The following DPP10 variants were observed in gnomAD, a reference collection of about 807,000 sequenced individuals.
DPP10 encodes the protein inactive dipeptidyl peptidase 10.
DPP10 carries 33 observed loss-of-function variants against 120.9 expected under a neutral mutation model. That is an observed-to-expected ratio of 0.27 (90% CI 0.21 to 0.37). The LOEUF (loss-of-function observed/expected upper bound fraction) is 0.37. DPP10 is among the 10% of genes least tolerant of loss of function. DPP10 has a pLI of 1.00. For synonymous variants in DPP10, 337 were observed against 326.1 expected (o/e 1.03, Z -0.36); for missense variants, 816 against 942.8 (o/e 0.87, Z 1.76).
chr2:115,711,282 T>C (rs2092305759), intron 7 of DPP10, among the ~76,000 whole-genome samples: 1 of 152,116 alleles, frequency 6.6e-6, no homozygotes, highest in African/African-American at 2.4e-5. Context: ...AAAAAGTTAC[T>C]TGCAAAGACT....
intron 1 of DPP10, among the ~76,000 whole-genome samples, chr2:114,970,583 C>G (rs1011043846): frequency 3.9e-5 from 6 of 152,164 alleles, no homozygotes; most frequent in African/African-American, 1.4e-4. Context: ...TCAAGTTTAT[C>G]TGAACTTTAC....
intron 1 of DPP10, among the ~76,000 whole-genome samples, chr2:115,103,146 T>C (rs1021983622): frequency 1.3e-5 from 2 of 151,976 alleles, no homozygotes; most frequent in African/African-American, 4.8e-5. Context: ...GGGTTTTCAG[T>C]TGGGTTATTC....
At chr2:115,372,399 T>C (rs1239807934) in intron 3 of DPP10, among the ~76,000 whole-genome samples, 1 of 79,992 alleles carries the variant, frequency 1.3e-5, no homozygotes, top group Non-Finnish European at 3.0e-5. Context: ...CATTACCCTT[T>C]AGAGGTAAAA....
chr2:115,824,705 G>A (rs1246391282), intron 21 of DPP10, among the ~76,000 whole-genome samples: 1 of 151,488 alleles, frequency 6.6e-6, no homozygotes, highest in Admixed American at 6.6e-5. Flanking sequence ...CTACATTTTC[G>A]TTATCCAGTC....
chr2:115,312,760 C>T (rs752859904), intron 2 of DPP10, among the ~76,000 whole-genome samples: 2 of 152,116 alleles, frequency 1.3e-5, no homozygotes, highest in East Asian at 1.9e-4. Context: ...CCTCTGTCCA[C>T]CAATATGTTC....
chr2:115,113,867 A>T (rs2049360793), intron 1 of DPP10, among the ~76,000 whole-genome samples: 1 of 152,132 alleles, frequency 6.6e-6, no homozygotes, highest in Non-Finnish European at 1.5e-5. Flanking sequence ...GTATTGCCCT[A>T]TTGAAAACTG....
chr2:115,105,001 G>A (rs1028824283), intron 1 of DPP10, among the ~76,000 whole-genome samples: 7 of 140,314 alleles, frequency 5.0e-5, no homozygotes, highest in Non-Finnish European at 8.0e-5. Context: ...ACAAGACTCC[G>A]TCTCAAAAAA....
At position 115,836,702 on chromosome 2, in the gene DPP10, G is replaced by A; in HGVS notation, c.2138G>A (p.Gly713Asp). 6.2e-7 allele frequency: 1 copy of A among 1,613,442 alleles called. No homozygotes were observed. The highest frequency in any genetic ancestry group is 8.5e-7 in the Non-Finnish European group (1 of 1,179,718). The change falls in exon 24 of 26, where the codon GGC (glycine) becomes GAC (aspartate). Residue 713 changes from glycine (G) to aspartate (D), a missense_variant. This residue lies in a region of DPP10 where 592 missense variants were observed against 649.0 expected (regional missense o/e 0.91). Coordinates refer to ENST00000410059, the MANE Select transcript of DPP10 (RefSeq NM_020868.6). ...GCCAGTGTGCTACATAATGTTCATG[G>A]CTTGAAAGAAGAAAATATATTAATA... ...QAASVLHNVHGLKEENILIIH... is the reference protein window; with the variant it reads ...QAASVLHNVHDLKEENILIIH...
At chr2:114,937,839 G>A (rs565663288) in intron 1 of DPP10, among the ~76,000 whole-genome samples, 2 of 152,246 alleles carry the variant, frequency 1.3e-5, no homozygotes, top group East Asian at 1.9e-4. Context: ...TCTTTGTTCC[G>A]AATGGGCAAC....
chr2:115,663,558 C>CTG (rs1250397708), intron 5 of DPP10, among the ~76,000 whole-genome samples: 3 of 151,368 alleles, frequency 2.0e-5, no homozygotes, highest in Non-Finnish European at 4.4e-5. Flanking sequence ...CAGTGGCTTG[C>CTG]TGTATTCTGG....
At chr2:115,678,106 G>C (rs1469633697) in intron 5 of DPP10, among the ~76,000 whole-genome samples, 1 of 152,206 alleles carries the variant, frequency 6.6e-6, no homozygotes, top group Non-Finnish European at 1.5e-5. Context: ...TTTTCAGTCT[G>C]ATGATGCAAT....
chr2:115,203,109 G>A (rs1033461127), intron 1 of DPP10, among the ~76,000 whole-genome samples: 2 of 152,176 alleles, frequency 1.3e-5, no homozygotes, highest in Non-Finnish European at 2.9e-5. Flanking sequence ...GATGAATAAG[G>A]AAGGTGTAGA....
intron 5 of DPP10, among the ~76,000 whole-genome samples, chr2:115,534,810 A>G (rs10187685): frequency 0.97 from 146,586 of 151,248 alleles, 71,205 homozygotes; most frequent in East Asian, 1. Context: ...CATTCTAACT[A>G]GTGTGAGATG....
intron 3 of DPP10, among the ~76,000 whole-genome samples, chr2:115,378,123 A>T (rs1002129259): frequency 6.6e-6 from 1 of 152,104 alleles, no homozygotes; most frequent in Non-Finnish European, 1.5e-5. Flanking sequence ...GATGGCATTG[A>T]ATCTGTAAAT....
intron 5 of DPP10, among the ~76,000 whole-genome samples, chr2:115,529,341 G>C (rs2148910933): frequency 6.6e-6 from 1 of 151,836 alleles, no homozygotes; most frequent in East Asian, 1.9e-4. Context: ...AGCTAGTTTT[G>C]TGTTTTTAGT....
chr2:115,690,868 T>C (rs1423577195), intron 7 of DPP10, among the ~76,000 whole-genome samples: 1 of 152,174 alleles, frequency 6.6e-6, no homozygotes, highest in Non-Finnish European at 1.5e-5. Flanking sequence ...TTAAGCGTGT[T>C]TACACCTACC....
chr2:115,000,371 A>G (rs903073892), intron 1 of DPP10, among the ~76,000 whole-genome samples: 20 of 152,110 alleles, frequency 1.3e-4, no homozygotes, highest in African/African-American at 4.6e-4. Flanking sequence ...CTTACCACTG[A>G]TATTTTTTCT....
chr2:114,912,070 C>T (rs1237625462), intron 1 of DPP10, among the ~76,000 whole-genome samples: 2 of 151,986 alleles, frequency 1.3e-5, no homozygotes, highest in South Asian at 2.1e-4. Flanking sequence ...AATGATATGC[C>T]GTTCAGAGAG....
chr2:114,455,091 G>A (rs530815042), intron 1 of DPP10, among the ~76,000 whole-genome samples: 1 of 151,694 alleles, frequency 6.6e-6, no homozygotes, highest in East Asian at 1.9e-4. Context: ...TATTCCAGAA[G>A]ACGATATCAC....
Sources: allele counts gnomAD v4.1 joint callset (sites outside exome capture counted in the v4.1 genomes callset), GRCh38; gene constraint gnomAD v4.1.1; regional missense constraint gnomAD v4.1.1; transcripts MANE v1.5; gene names NCBI Gene and HGNC (gene_info 2026-07-23, HGNC 2026-07-21).